The following MYH16 variants were observed in gnomAD, a reference collection of about 807,000 sequenced individuals.
MYH16 encodes putative uncharacterized protein MYH16.
intron 23 of MYH16, 105 bp from the exon 6 acceptor site, chr7:99,283,460 C>A (rs1792229872): frequency 2.4e-6 from 1 of 418,798 alleles, no homozygotes; most frequent in Admixed American, 2.6e-5. Flanking sequence ...CTGAACTCCC[C>A]AAAGCCTGGG....
At chr7:99,284,172 T>C (rs986141249) in intron 25 of MYH16, among the ~76,000 whole-genome samples, 154 bp downstream of exon 7, 2 of 151,664 alleles carry the variant, frequency 1.3e-5, no homozygotes, top group Non-Finnish European at 2.9e-5. Context: ...TGCAGAGAGG[T>C]AGGGGCTGCC....
At chr7:99,302,788 G>A (rs923376039) in intron 38 of MYH16, among the ~76,000 whole-genome samples, 1 of 151,874 alleles carries the variant, frequency 6.6e-6, no homozygotes, top group Non-Finnish European at 1.5e-5. Context: ...GGCTGAGGTG[G>A]GAGGATCGCT....
intron 19 of MYH16, among the ~76,000 whole-genome samples, chr7:99,272,994 T>C (rs1792067394): frequency 1.3e-5 from 2 of 152,128 alleles, no homozygotes; most frequent in Non-Finnish European, 2.9e-5. Context: ...ACGGGCAGAT[T>C]CCAGCAACTT....
intron 39 of MYH16, among the ~76,000 whole-genome samples, chr7:99,304,309 T>G (rs556059850): frequency 6.6e-6 from 1 of 152,106 alleles, no homozygotes; most frequent in African/African-American, 2.4e-5. Context: ...GTGCCCCTCA[T>G]GGAGACAGCA....
intron 6 of MYH16, chr7:99,252,685 A>G (rs1791824549): frequency 6.6e-6 from 1 of 152,330 alleles, no homozygotes; most frequent in Admixed American, 6.6e-5. Context: ...GAAATCCGAT[A>G]CTCCAATAGA....
At chr7:99,266,364 C>T (rs1791986986) in intron 17 of MYH16, among the ~76,000 whole-genome samples, 1 of 152,090 alleles carries the variant, frequency 6.6e-6, no homozygotes, top group South Asian at 2.1e-4. Flanking sequence ...TAACTAATAC[C>T]CCCACCTTAG....
At chr7:99,255,768 T>A (rs1791864776) in intron 9 of MYH16, 1 of 152,564 alleles carries the variant, frequency 6.6e-6, no homozygotes, top group Non-Finnish European at 1.5e-5. Flanking sequence ...GGGGTGGCAG[T>A]GGGGACAGGA....
chr7:99,309,199 T>G (rs1792723426), downstream of MYH16, among the ~76,000 whole-genome samples: 1 of 152,124 alleles, frequency 6.6e-6, no homozygotes, highest in South Asian at 2.1e-4. Flanking sequence ...CTGGTTCGCT[T>G]TGGGAGGTGG....
rs192997733 is a variant in MYH16 at position 99,245,580 on chromosome 7, T to C, written n.355-2014T>C. On this transcript the variant is annotated intron_variant and non_coding_transcript_variant, in intron 2 of 41. Coordinates refer to ENST00000439784, the Ensembl canonical transcript of MYH16. The stretch of plus-strand genomic sequence containing the variant: ...TCTCGCTCTGTTGCCCAGGCTGGAG[T>C]GCAGTGGCACAGTCTCACCTCATTG... Among the ~76,000 whole-genome samples the C allele has an allele frequency of 2.6e-3, 403 of 152,256 alleles. 5 individuals carry two copies. The highest frequency in any genetic ancestry group is 3.6e-3 in the Non-Finnish European group (246 of 68,014).
intron 41 of MYH16, 52 bp downstream of exon 22, chr7:99,306,088 G>A (rs1792674325): frequency 2.6e-5 from 4 of 152,648 alleles, no homozygotes; most frequent in Admixed American, 2.6e-4. Context: ...TTGTTTCTCA[G>A]TGCGGGTCGC....
At chr7:99,308,496 G>A (rs1792713543), downstream of MYH16, among the ~76,000 whole-genome samples, 1 of 151,986 alleles carries the variant, frequency 6.6e-6, no homozygotes, top group Admixed American at 6.6e-5. Context: ...CTTTTCCCAT[G>A]GACAGAAGCA....
At chr7:99,260,770 C>T (rs1365332165) in intron 12 of MYH16, 2 of 155,954 alleles carry the variant, frequency 1.3e-5, no homozygotes, top group Non-Finnish European at 2.8e-5. Flanking sequence ...CAAATGGTCC[C>T]CTTCAAGAAT....
At chr7:99,282,228 G>A (rs1792208394) in intron 23 of MYH16, among the ~76,000 whole-genome samples, 2 of 152,110 alleles carry the variant, frequency 1.3e-5, no homozygotes, top group Non-Finnish European at 2.9e-5. Context: ...GTTTCACCAT[G>A]TTGGCCAGGC....
intron 32 of MYH16, 73 bp downstream of exon 13, chr7:99,292,581 A>G: frequency 2.3e-6 from 1 of 437,704 alleles, no homozygotes; most frequent in Non-Finnish European, 4.6e-6. Context: ...CCACCATGTC[A>G]GTCACTGCTG....
chr7:99,241,773 G>A (rs894862668), intron 1 of MYH16, among the ~76,000 whole-genome samples: 24 of 152,120 alleles, frequency 1.6e-4, no homozygotes, highest in African/African-American at 5.5e-4. Context: ...ATCTAAGGTT[G>A]CAGGCAGCCA....
chr7:99,295,773 C>G (rs1232932592), intron 33 of MYH16, among the ~76,000 whole-genome samples: 2 of 143,006 alleles, frequency 1.4e-5, no homozygotes, highest in African/African-American at 5.3e-5. Context: ...GCTGAGGCTA[C>G]AGTTAGCTAT....
In MYH16 at chr7:99,275,762, T is replaced by C. The variant is rs533073448; in HGVS notation, n.2486-1777T>C. Among the ~76,000 whole-genome samples the C allele has an allele frequency of 1.1e-4, 17 of 152,368 alleles. No individual in the cohort carries two copies. In the South Asian group the frequency reaches 3.5e-3, roughly 32 times the overall value. ...TTTTTCTTGTTGTTGAGACAAAATC[T>C]TGCTCTGTTGCTCAGGCTGGAGCGC... On this transcript the variant is annotated intron_variant and non_coding_transcript_variant, in intron 20 of 41. Transcript: ENST00000439784.
intron 21 of MYH16, among the ~76,000 whole-genome samples, chr7:99,278,003 G>T (rs1382664626): frequency 6.6e-6 from 1 of 151,760 alleles, no homozygotes; most frequent in Non-Finnish European, 1.5e-5. Flanking sequence ...GTGTTGCCCA[G>T]GCTGGAGTGA....
At chr7:99,304,956 C>T (rs970872104) in intron 40 of MYH16, among the ~76,000 whole-genome samples, 200 bp downstream of exon 21, 4 of 152,006 alleles carry the variant, frequency 2.6e-5, no homozygotes, top group Admixed American at 6.6e-5. Context: ...GAGGCCAAGG[C>T]GGGAGGATCG....
Sources: gnomAD v4.1 joint callset for allele counts (sites outside exome capture counted in the v4.1 genomes callset) on GRCh38, gnomAD v4.1.1 for gene constraint, MANE v1.5 for transcripts, NCBI Gene and HGNC (gene_info 2026-07-23, HGNC 2026-07-21) for gene names.